Variants in MRAP2 observed in about 807,000 individuals in gnomAD.
MRAP2 encodes the protein melanocortin-2 receptor accessory protein 2.
In MRAP2, 20 loss-of-function variants were observed where a neutral mutation model predicts 17.4. The observed-to-expected ratio is 1.15, with a 90% CI of 0.81 to 1.67. The LOEUF is 1.67. Among genes scored for constraint, MRAP2 ranks in the 40% most tolerant of loss-of-function variants. The pLI is 0.00. For missense variants in MRAP2, 238 were observed against 240.0 expected (o/e 0.99, Z 0.05); for synonymous variants, 96 against 88.4 (o/e 1.09, Z -0.48).
At chr6:84,068,369 G>A (rs1035211572) in intron 3 of MRAP2, among the ~76,000 whole-genome samples, 1 of 130,292 alleles carries the variant, frequency 7.7e-6, no homozygotes, top group Admixed American at 7.1e-5. Flanking sequence ...GGTTATGCAA[G>A]CTCTTTTTTG....
intron 2 of MRAP2, among the ~76,000 whole-genome samples, chr6:84,059,423 G>C (rs1384530003): frequency 1.3e-5 from 2 of 152,174 alleles, no homozygotes; most frequent in Non-Finnish European, 2.9e-5. Context: ...AGTGGTGTGA[G>C]GAAAGTGTCA....
At chr6:84,135,317 G>C in the MRAP2 span, among the ~76,000 whole-genome samples, 1 of 152,290 alleles carries the variant, frequency 6.6e-6, no homozygotes, top group South Asian at 2.1e-4. Flanking sequence ...AAGTAAAAAA[G>C]AGTGATTCAC....
intron 3 of MRAP2, among the ~76,000 whole-genome samples, chr6:84,087,351 G>C (rs1252712690): frequency 6.6e-6 from 1 of 152,222 alleles, no homozygotes; most frequent in Non-Finnish European, 1.5e-5. Context: ...GAGGCAATCA[G>C]ATATGCATTT....
At chr6:84,116,916 G>A in the MRAP2 span, among the ~76,000 whole-genome samples, 5 of 152,042 alleles carry the variant, frequency 3.3e-5, no homozygotes, top group African/African-American at 4.8e-5. Flanking sequence ...TTTTTGCATC[G>A]ATGTTCATCA....
intron 2 of MRAP2, among the ~76,000 whole-genome samples, chr6:84,058,277 G>A (rs570449078): frequency 7.4e-4 from 113 of 152,348 alleles, no homozygotes; most frequent in African/African-American, 2.6e-3. Context: ...TTGGAGCCAG[G>A]TAGGGAGAGT....
chr6:84,065,263 T>C lies in MRAP2; in HGVS notation c.227+2271T>C, dbSNP rs866001879. Reference sequence around the variant, plus strand: ...TTGTGCTGCTGCACTGTAGCCTAAATGACAGAGTAAGACCCTGTCTCAAAA... The same window carrying C: ...TTGTGCTGCTGCACTGTAGCCTAAACGACAGAGTAAGACCCTGTCTCAAAA... On this transcript the variant is annotated intron_variant, in intron 3 of 3. Coordinates refer to ENST00000257776, the MANE Select transcript of MRAP2 (RefSeq NM_138409.4). Among the ~76,000 whole-genome samples the C allele has an allele frequency of 1.2e-4, 18 of 149,198 alleles. No individual in the cohort carries two copies. In the South Asian group the frequency reaches 3.2e-3, roughly 26 times the overall value.
chr6:84,079,885 A>AT (rs376777356), intron 3 of MRAP2, among the ~76,000 whole-genome samples: 12 of 152,180 alleles, frequency 7.9e-5, no homozygotes, highest in East Asian at 1.9e-4. Flanking sequence ...TTGTAGAAGT[A>AT]TTTTTTTGTT....
chr6:84,058,075 CTTAGAGG>C (rs900795379), intron 2 of MRAP2, among the ~76,000 whole-genome samples: 1 of 152,032 alleles, frequency 6.6e-6, no homozygotes, highest in Admixed American at 6.6e-5. Flanking sequence ...ATGGGGGGGC[CTTAGAGG>C]TCATGCTAAG....
the MRAP2 span, among the ~76,000 whole-genome samples, chr6:84,106,857 C>A: frequency 6.6e-6 from 1 of 152,128 alleles, no homozygotes; most frequent in Non-Finnish European, 1.5e-5. Flanking sequence ...AGACAACATG[C>A]AGTTCATGAT....
At chr6:84,130,089 G>A in the MRAP2 span, among the ~76,000 whole-genome samples, 9 of 152,056 alleles carry the variant, frequency 5.9e-5, no homozygotes, top group South Asian at 6.2e-4. Flanking sequence ...GAATTTTGTC[G>A]AAGGCCTCTT....
At chr6:84,128,680 CTAG>C in the MRAP2 span, among the ~76,000 whole-genome samples, 2 of 151,968 alleles carry the variant, frequency 1.3e-5, no homozygotes, top group Admixed American at 1.3e-4. Flanking sequence ...TGCACAGTTC[CTAG>C]TAAACATTAA....
rs1199882529 is a variant in MRAP2 at position 84,064,763 on chromosome 6, A to C, written c.227+1771A>C. On this transcript the variant is annotated intron_variant, in intron 3 of 3. Transcript: ENST00000257776. ...TGGCCTCCCAAAGTGCTGGGATTAC[A>C]GGCGTGAGCCACCGCGCCGGGCCGA... 2.0e-5 allele frequency among the ~76,000 whole-genome samples: 3 copies of C among 152,170 alleles called. No individual in the cohort carries two copies. The South Asian group carries it at 6.2e-4, about 31-fold the overall frequency.
At chr6:84,068,295 A>G (rs2099495272) in intron 3 of MRAP2, among the ~76,000 whole-genome samples, 1 of 152,126 alleles carries the variant, frequency 6.6e-6, no homozygotes, top group Non-Finnish European at 1.5e-5. Context: ...ATGGCCTTAT[A>G]GTATAGTTTG....
intron 1 of MRAP2, among the ~76,000 whole-genome samples, chr6:84,051,341 AG>A (rs757738008): frequency 7.2e-5 from 11 of 152,364 alleles, no homozygotes; most frequent in Non-Finnish European, 1.2e-4. Flanking sequence ...AGATCACCTG[AG>A]GTCAGGAGTT....
At chr6:84,122,721 C>T in the MRAP2 span, among the ~76,000 whole-genome samples, 1 of 152,034 alleles carries the variant, frequency 6.6e-6, no homozygotes, top group African/African-American at 2.4e-5. Flanking sequence ...TATTGGCAGT[C>T]CTAGCCAGAG....
the MRAP2 span, among the ~76,000 whole-genome samples, chr6:84,143,445 T>C: frequency 6.6e-6 from 1 of 151,990 alleles, no homozygotes; most frequent in Non-Finnish European, 1.5e-5. Flanking sequence ...CAACTTTGTA[T>C]GCAAAATATA....
At chr6:84,070,977 T>C (rs1204783370) in intron 3 of MRAP2, among the ~76,000 whole-genome samples, 4 of 152,216 alleles carry the variant, frequency 2.6e-5, no homozygotes, top group Non-Finnish European at 5.9e-5. Context: ...GTGAGTCTCC[T>C]GAAGACAGCA....
chr6:84,108,304 A>C, the MRAP2 span, among the ~76,000 whole-genome samples: 3 of 152,120 alleles, frequency 2.0e-5, no homozygotes, highest in Non-Finnish European at 4.4e-5. Context: ...AACAGTATAA[A>C]AGTATTCCTT....
chr6:84,061,329 C>G (rs2099493111), intron 2 of MRAP2, among the ~76,000 whole-genome samples: 1 of 152,122 alleles, frequency 6.6e-6, no homozygotes, highest in Non-Finnish European at 1.5e-5. Flanking sequence ...AGACAAGCTT[C>G]TTAGTGTAGG....
Sources: allele counts gnomAD v4.1 joint callset (sites outside exome capture counted in the v4.1 genomes callset), GRCh38; gene constraint gnomAD v4.1.1; transcripts MANE v1.5; gene names NCBI Gene and HGNC (gene_info 2026-07-23, HGNC 2026-07-21).